Variants in PCBP3 observed in about 807,000 individuals in gnomAD.
PCBP3 encodes the protein poly(rC)-binding protein 3.
A neutral mutation model predicts 52.7 loss-of-function variants in PCBP3; 25 were observed. That is an observed-to-expected ratio of 0.47 (90% CI 0.35 to 0.66). The LOEUF (loss-of-function observed/expected upper bound fraction) is 0.66. PCBP3 is among the 30% of genes least tolerant of loss of function. The pLI, the probability that PCBP3 is intolerant of heterozygous loss-of-function variation, is 0.01. For synonymous variants in PCBP3, 162 were observed against 183.0 expected, an observed-to-expected ratio of 0.89 and a Z score of 0.93; for missense variants, 391 against 490.3, an observed-to-expected ratio of 0.80 and a Z score of 1.91.
chr21:45,747,278 A>T (rs1424364226), intron 3 of PCBP3, among the ~76,000 whole-genome samples: 2 of 152,188 alleles, frequency 1.3e-5, no homozygotes, highest in Non-Finnish European at 2.9e-5. Context: ...CCATGATTCA[A>T]TTACCTCCCA....
intron 16 of PCBP3, 193 bp downstream of exon 16, chr21:45,935,498 T>G (rs750243427): frequency 1.9e-5 from 13 of 690,828 alleles, no homozygotes; most frequent in South Asian, 1.7e-4. Flanking sequence ...AAGTTATGTG[T>G]TTTTACATCC....
At chr21:45,785,390 C>T (rs547399489) in intron 4 of PCBP3, among the ~76,000 whole-genome samples, 1,818 of 148,370 alleles carry the variant, frequency 0.012, 41 homozygotes, top group African/African-American at 0.044. Flanking sequence ...AGGTGAGGGG[C>T]GCCTCTGCCC....
At position 45,805,307 on chromosome 21, in the gene PCBP3, C is replaced by T. The variant is rs1252204136; in HGVS notation, c.-125-44654C>T. 6.6e-6 allele frequency among the ~76,000 whole-genome samples: 1 copy of T among 152,066 alleles called. No individual in the cohort carries two copies. Among genetic ancestry groups the T allele is most frequent in the African/African-American group, 2.4e-5 (1 of 41,416 alleles). ...TTGCTTGGGGGAGCTGAAAACCCCC[C>T]AGGTGGTGTCTGGGGGGGAAAGTAA... On this transcript the variant is annotated intron_variant, in intron 4 of 17. Coordinates refer to ENST00000681687, the MANE Select transcript of PCBP3 (RefSeq NM_001384156.1). This position sits in a 1 kb window ranked among gnomAD's most constrained non-coding sequence, Gnocchi z 4.6.
intron 5 of PCBP3, among the ~76,000 whole-genome samples, chr21:45,852,856 T>C (rs949033037): frequency 6.6e-6 from 1 of 152,220 alleles, no homozygotes; most frequent in African/African-American, 2.4e-5. Context: ...TGTGATGTAA[T>C]TTGTAACATC....
intron 5 of PCBP3, among the ~76,000 whole-genome samples, chr21:45,887,380 C>T (rs1231472116): frequency 1.3e-5 from 2 of 152,232 alleles, no homozygotes; most frequent in Non-Finnish European, 2.9e-5. Context: ...GCTGGGGCTG[C>T]GCCAGCTTTG....
chr21:45,648,489 T>C (rs969769077), intron 1 of PCBP3, among the ~76,000 whole-genome samples: 11 of 152,340 alleles, frequency 7.2e-5, no homozygotes, highest in African/African-American at 2.2e-4. Context: ...CCACTCCCAA[T>C]TGCCGTGTCC....
chr21:45,758,487 C>T (rs1165918641), intron 4 of PCBP3, among the ~76,000 whole-genome samples: 1 of 152,138 alleles, frequency 6.6e-6, no homozygotes, highest in Non-Finnish European at 1.5e-5. Flanking sequence ...TTTCTTTCAA[C>T]ATGTTTGATA....
intron 4 of PCBP3, among the ~76,000 whole-genome samples, chr21:45,792,053 G>A (rs998903941): frequency 3.9e-5 from 6 of 152,390 alleles, no homozygotes; most frequent in South Asian, 2.1e-4. Context: ...AAGGCAAGCC[G>A]ACTGCAAGCC....
chr21:45,918,496 G>A (rs79257449), intron 13 of PCBP3: 3 of 60,150 alleles, frequency 5.0e-5, no homozygotes, highest in African/African-American at 1.7e-4. Flanking sequence ...CCAGTGCTGG[G>A]GGAAGAAGTT....
intron 4 of PCBP3, among the ~76,000 whole-genome samples, chr21:45,809,264 G>A (rs79152808): frequency 0.013 from 1,907 of 152,224 alleles, 60 homozygotes; most frequent in African/African-American, 0.043. Flanking sequence ...AATATTGGAC[G>A]ACTTATTGTA....
At chr21:45,709,845 C>T (rs1423953960) in intron 2 of PCBP3, among the ~76,000 whole-genome samples, 1 of 152,196 alleles carries the variant, frequency 6.6e-6, no homozygotes, top group Non-Finnish European at 1.5e-5. Context: ...TCCTCAGGCT[C>T]CTCTTGGCTG....
rs560054592 is a variant in PCBP3 at position 45,740,938 on chromosome 21, GAGA to G, written c.-162+5512_-162+5514del. On this transcript the variant is annotated intron_variant, in intron 3 of 17. Transcript: ENST00000681687. ...TAGGAAAGCTGTGGAAAGCTTGTCT[GAGA>G]AGGAGTCAGCCTCTCAGCCCTCTCC... Among the ~76,000 whole-genome samples the G allele has an allele frequency of 2.0e-4, 30 of 152,328 alleles. No individual in the cohort carries two copies. The South Asian group carries it at 6.0e-3, about 30-fold the overall frequency.
chr21:45,722,910 A>C (rs1438334458), intron 2 of PCBP3, among the ~76,000 whole-genome samples: 1 of 151,882 alleles, frequency 6.6e-6, no homozygotes, highest in Non-Finnish European at 1.5e-5. Context: ...GCTGCTTGGG[A>C]GGCTGAGGCA....
intron 2 of PCBP3, among the ~76,000 whole-genome samples, chr21:45,695,805 G>A (rs2082730920): frequency 1.3e-5 from 2 of 152,118 alleles, no homozygotes; most frequent in Admixed American, 6.5e-5. Flanking sequence ...TTCCAGCCAG[G>A]TGCGTTGGCT....
At chr21:45,652,695 G>A (rs560952808) in intron 1 of PCBP3, among the ~76,000 whole-genome samples, 2 of 151,930 alleles carry the variant, frequency 1.3e-5, no homozygotes, top group Non-Finnish European at 2.9e-5. Context: ...TGCCCGCCTC[G>A]GCCTCCCACA....
At chr21:45,677,412 T>TAG (rs1419094634) in intron 2 of PCBP3, among the ~76,000 whole-genome samples, 2 of 152,192 alleles carry the variant, frequency 1.3e-5, no homozygotes, top group Non-Finnish European at 2.9e-5. Context: ...TTGAAGCTAG[T>TAG]AGAGGTTGGT....
intron 3 of PCBP3, among the ~76,000 whole-genome samples, chr21:45,739,365 G>T (rs1391169576): frequency 1.1e-4 from 11 of 98,864 alleles, no homozygotes; most frequent in Non-Finnish European, 1.4e-4. Flanking sequence ...TCCTGTCCAC[G>T]GTCCTCTGGG....
chr21:45,933,696 G>A lies in PCBP3; in HGVS notation c.857-1557G>A, dbSNP rs965931260. 1.3e-5 allele frequency among the ~76,000 whole-genome samples: 2 copies of A among 152,238 alleles called. 1 individual carries two copies. The highest frequency in any genetic ancestry group is 2.9e-5 in the Non-Finnish European group (2 of 68,050). Reference sequence around the variant, plus strand: ...AAAGGAAAAATAATGGAGAATTAGAGATGAATTGGTTCATTCAGCACCAGC... The same window carrying A: ...AAAGGAAAAATAATGGAGAATTAGAAATGAATTGGTTCATTCAGCACCAGC... On this transcript the variant is annotated intron_variant, in intron 15 of 17. Transcript: ENST00000681687.
chr21:45,676,528 G>C lies in PCBP3; in HGVS notation c.-200+7576G>C, dbSNP rs190056792. Among the ~76,000 whole-genome samples, 3 of 151,954 alleles carry C rather than the reference G, an allele frequency of 2.0e-5. No individual in the cohort carries two copies. The East Asian group carries it at 5.8e-4, about 29-fold the overall frequency. On this transcript the variant is annotated intron_variant, in intron 2 of 17. Transcript: ENST00000681687. ...TTTCATTATTATTATATCTGTTATG[G>C]TTATCTGTGGTCAGCGATCTTTGTT...
Sources: gnomAD v4.1 joint callset for allele counts (sites outside exome capture counted in the v4.1 genomes callset) on GRCh38, gnomAD v4.1.1 for gene constraint, Gnocchi (gnomAD v3.1) non-coding constraint, MANE v1.5 for transcripts, NCBI Gene and HGNC (gene_info 2026-07-23, HGNC 2026-07-21) for gene names.